PEAR1: variants seen among roughly 807,000 people sequenced by gnomAD.
PEAR1 encodes multiple EGF-like domains protein 12.
In PEAR1, 113 loss-of-function variants were observed where a neutral mutation model predicts 131.2. The ratio of observed to expected loss-of-function variants is 0.86; its 90% CI spans 0.74 to 1.01. The LOEUF is 1.01. Among genes scored for constraint, PEAR1 ranks in the 50% least tolerant of loss-of-function variants. PEAR1 has a pLI of 0.00. For missense variants in PEAR1, 1,408 were observed against 1,391.1 expected, an observed-to-expected ratio of 1.01 and a Z score of -0.19; for synonymous variants, 565 against 523.3, an observed-to-expected ratio of 1.08 and a Z score of -1.09.
Position 156,914,186 on chromosome 1 carries a change from A to AG in PEAR1, c.2962+88dup. On this transcript the variant is annotated intron_variant, in intron 22 of 22. Transcript: ENST00000292357. ...ACAGAAGGAACAGAGGGAGAAGAGAAGGCATGATGTGGCATCAAGAGTGAG... is the reference window on the plus strand; with the variant it reads ...ACAGAAGGAACAGAGGGAGAAGAGAAGGGCATGATGTGGCATCAAGAGTGAG... 4.8e-6 allele frequency: 7 copies of AG among 1,458,870 alleles called. No individual in the cohort carries two copies. In the South Asian group the frequency reaches 5.8e-5, roughly 12 times the overall value. The allele number at this position is 1,458,870 out of a possible 1,614,324, so 90.4% of individuals were successfully genotyped here.
In PEAR1 at chr1:156,908,100, C is replaced by T. The variant is rs1180636178; in HGVS notation, c.903-28C>T. 6.9e-6 allele frequency: 11 copies of T among 1,584,930 alleles called. No homozygotes were observed. Among genetic ancestry groups the T allele is most frequent in the Admixed American group, 1.8e-5 (1 of 56,870 alleles). On this transcript the variant is annotated intron_variant, in intron 8 of 22. Transcript: ENST00000292357. The surrounding 1 kb of genome is among the most constrained non-coding windows in gnomAD (Gnocchi z 4.2). Reference sequence around the variant, plus strand: ...AGACGGGAGGGAGGAGGTGGGGCGCCGCCAGGCTCACTCAGCTAGGTGCCC... The same window carrying T: ...AGACGGGAGGGAGGAGGTGGGGCGCTGCCAGGCTCACTCAGCTAGGTGCCC...
chr1:156,910,376 G>C lies in PEAR1; in HGVS notation c.1821G>C (p.Gln607His), dbSNP rs573482425. ...CCGGATTCCGGGGCCCCTCCTGCCA[G>C]AGATGTGAGGCTCCCTACTGCCCCT... ...CAPGFRGPSC[Q>H]RSCQPGRYGK... Residue 607 changes from glutamine (Q) to histidine (H), a missense_variant, in exon 14 of 23, where the codon CAG (glutamine) becomes CAC (histidine). Gln to His is a conservative substitution (Grantham distance 24). Coordinates refer to ENST00000292357, the MANE Select transcript of PEAR1 (RefSeq NM_001080471.3). 6.3e-7 allele frequency: 1 copy of C among 1,593,118 alleles called. No homozygotes were observed. The highest frequency in any genetic ancestry group is 1.3e-5 in the African/African-American group (1 of 74,756).
chr1:156,899,581 C>T (rs1322824830), intron 1 of PEAR1, among the ~76,000 whole-genome samples: 2 of 152,094 alleles, frequency 1.3e-5, no homozygotes, highest in African/African-American at 2.4e-5. Context: ...TACCCAAAGG[C>T]GCCAAGGGGA....
chr1:156,908,887 G>A lies in PEAR1; in HGVS notation c.1291-29G>A, dbSNP rs777052016. 4 of 1,610,206 alleles carry A rather than the reference G, an allele frequency of 2.5e-6. No individual in the cohort carries two copies. The African/African-American group carries it at 5.3e-5, about 21-fold the overall frequency. ...AGGTGGAGAGGCCAAGGAATGGGCC[G>A]CCCCTCTCACCCGCTCACCCTCTTT... On this transcript the variant is annotated intron_variant, in intron 10 of 22. Coordinates refer to ENST00000292357, the MANE Select transcript of PEAR1 (RefSeq NM_001080471.3). The surrounding 1 kb of genome is among the most constrained non-coding windows in gnomAD (Gnocchi z 4.2).
In PEAR1 at chr1:156,916,316, T is replaced by C. The variant is rs1385064956; in HGVS notation, c.*1518T>C. 1 of 152,238 alleles carries C rather than the reference T, an allele frequency of 6.6e-6. No individual in the cohort carries two copies. The highest frequency in any genetic ancestry group is 1.5e-5 in the Non-Finnish European group (1 of 68,050). 9.4% of individuals were successfully genotyped at this position (152,238 alleles called of 1,614,324 possible). On this transcript the variant is annotated 3_prime_UTR_variant, in exon 23 of 23. Transcript: ENST00000292357. Reference sequence around the variant, plus strand: ...GCTTGCAATATTTCAAGCATTTTCATTGTTATTATATGTGTTATAGTGATC... The same window carrying C: ...GCTTGCAATATTTCAAGCATTTTCACTGTTATTATATGTGTTATAGTGATC...
At chr1:156,906,530 A>T in intron 5 of PEAR1, 107 bp from the exon 6 acceptor site, 1 of 1,555,014 alleles carries the variant, frequency 6.4e-7, no homozygotes, top group Non-Finnish European at 8.7e-7. Context: ...TGTGGAAGAC[A>T]GGGTGGGCCT....
At chr1:156,906,429 G>A (rs6688349) in intron 5 of PEAR1, 61 bp downstream of exon 5, 223,972 of 1,590,098 alleles carry the variant, frequency 0.14, 20,153 homozygotes, top group East Asian at 0.43. Flanking sequence ...AGGACCCTCA[G>A]GTACACCCTC....
rs6684500 is a variant in PEAR1 at position 156,905,090 on chromosome 1, G to T, written c.207-234G>T. The T allele has an allele frequency of 2.4e-3, 3,116 of 1,283,108 alleles. 55 individuals are homozygous for T. The African/African-American group carries it at 0.036, about 15-fold the overall frequency. The allele number at this position is 1,283,108 out of a possible 1,614,324, so 79.5% of individuals were successfully genotyped here. ...GTATATGCCTGTGGGGTTGGGGGGG[G>T]GGCAAGAAGGGAATGCTCTTTCTTT... On this transcript the variant is annotated intron_variant, in intron 3 of 22. Transcript: ENST00000292357.
intron 7 of PEAR1, 26 bp downstream of exon 7, chr1:156,907,756 TG>T (rs769013054): frequency 3.8e-6 from 6 of 1,584,898 alleles, no homozygotes; most frequent in East Asian, 2.3e-5. Context: ...CCTGTGGGCA[TG>T]GGGTGTGGGT....
In PEAR1 at chr1:156,909,876, C is replaced by T; in HGVS notation, c.1537C>T (p.Pro513Ser). The T allele has an allele frequency of 1.9e-6, 3 of 1,611,022 alleles. No individual in the cohort carries two copies. Among genetic ancestry groups the T allele is most frequent in the Non-Finnish European group, 8.5e-7 (1 of 1,177,696 alleles). ...SPQTGACTCT[P>S]GWHGAHCQLP... ...CCAAACTGGAGCCTGTACCTGCACC[C>T]CTGGGTGGCATGGGGCCCACTGCCA... The change falls in exon 12 of 23, where the codon CCT (proline) becomes TCT (serine). Residue 513 changes from proline (P) to serine (S), a missense_variant. Physicochemically the swap from Pro to Ser is moderately conservative, Grantham distance 74 (BLOSUM62 -1). Transcript: ENST00000292357.
rs371283240 is a variant in PEAR1, at chr1:156,914,829, C to T, written c.*31C>T. 1.2e-5 allele frequency: 20 copies of T among 1,610,950 alleles called. No individual in the cohort carries two copies. Among genetic ancestry groups the T allele is most frequent in the African/African-American group, 2.7e-5 (2 of 74,904 alleles). ...CAGGATGGTATGGCAGAGGCCAGCA[C>T]ACCTGGCTGTTGCTGCTCAAGGCTG... is the stretch of plus-strand genomic sequence containing the variant. On this transcript the variant is annotated 3_prime_UTR_variant, in exon 23 of 23. Coordinates refer to ENST00000292357, the MANE Select transcript of PEAR1 (RefSeq NM_001080471.3).
chr1:156,895,776 G>C (rs918633711), intron 1 of PEAR1, among the ~76,000 whole-genome samples: 22 of 152,318 alleles, frequency 1.4e-4, no homozygotes, highest in Middle Eastern at 3.4e-3. Flanking sequence ...AAACTGTGAG[G>C]TTAGAAGGCA....
chr1:156,909,188 A>G (rs1275089909), intron 11 of PEAR1, 152 bp downstream of exon 11: 2 of 1,069,908 alleles, frequency 1.9e-6, no homozygotes, highest in East Asian at 2.4e-5. Context: ...TATCCAGGCT[A>G]CTTTCTTCCT....
intron 1 of PEAR1, among the ~76,000 whole-genome samples, chr1:156,900,198 G>C (rs1649544526): frequency 6.6e-6 from 1 of 152,168 alleles, no homozygotes; most frequent in Non-Finnish European, 1.5e-5. Context: ...CTCAGGGCCT[G>C]GCCAGGAGCC....
At chr1:156,911,599 T>A (rs1441290446) in intron 15 of PEAR1, among the ~76,000 whole-genome samples, 5 of 149,008 alleles carry the variant, frequency 3.4e-5, no homozygotes, top group Non-Finnish European at 1.5e-5. Context: ...CAGCCCTTTT[T>A]TTCTTTTGCA....
Position 156,913,501 on chromosome 1 carries a change from C to G in PEAR1, c.2622C>G (p.Pro874=). 3 of 1,612,874 alleles carry G rather than the reference C, an allele frequency of 1.9e-6. No individual in the cohort carries two copies. Among genetic ancestry groups the G allele is most frequent in the Non-Finnish European group, 2.5e-6 (3 of 1,180,004 alleles). The change falls in exon 20 of 23, where the codon CCC becomes CCG. Residue 874 remains proline (P), a synonymous_variant. Coordinates refer to ENST00000292357, the MANE Select transcript of PEAR1 (RefSeq NM_001080471.3). ...CTGACTGGAAGCACCGCCGGGAGCCCCCTCCAGGGCCTCTGGACAGGGGTA... is the reference window on the plus strand; with the variant it reads ...CTGACTGGAAGCACCGCCGGGAGCCGCCTCCAGGGCCTCTGGACAGGGGTA... ...LPADWKHRRE[P]PPGPLDRGSS... is the part of the protein sequence containing the mutation.
intron 15 of PEAR1, among the ~76,000 whole-genome samples, chr1:156,911,146 TTC>T (rs1463770365): frequency 1.0e-4 from 15 of 149,772 alleles, no homozygotes; most frequent in South Asian, 4.2e-4. Flanking sequence ...TTTCTTTTCT[TTC>T]TTTCTTTTTC....
chr1:156,911,203 T>TTTTCTTTCTTTCTTTCTTTC lies in PEAR1; in HGVS notation c.1951+460_1951+461insTTTCTTTCTTTCTTTCTTTC. ...TTCTTTCTTCTTTCTTTCTTTCTTT[T>TTTTCTTTCTTTCTTTCTTTC]CTTTCTTTCTTTCTTTCCTTTCTTT... is the stretch of plus-strand genomic sequence containing the variant. On this transcript the variant is annotated intron_variant, in intron 15 of 22. Coordinates refer to ENST00000292357, the MANE Select transcript of PEAR1 (RefSeq NM_001080471.3). Among the ~76,000 whole-genome samples, 4 of 109,488 alleles carry TTTTCTTTCTTTCTTTCTTTC rather than the reference T, an allele frequency of 3.7e-5. 1 individual carries two copies. Among genetic ancestry groups the TTTTCTTTCTTTCTTTCTTTC allele is most frequent in the Admixed American group, 1.9e-4 (2 of 10,628 alleles). The allele number at this position is 109,488 out of a possible 152,430, so 71.8% of individuals were successfully genotyped here.
chr1:156,908,806 T>C lies in PEAR1; in HGVS notation c.1267T>C (p.Cys423Arg), dbSNP rs1650686968. The C allele has an allele frequency of 1.2e-6, 2 of 1,607,106 alleles. No individual in the cohort carries two copies. Among genetic ancestry groups the C allele is most frequent in the African/African-American group, 2.7e-5 (2 of 74,922 alleles). ...CGTCTGCCAGGCTACCAGCGGCCTC[T>C]GTCAGTGCGCGCCGGGTTACACGGT... The part of the protein sequence containing the change: ...GGVCQATSGL[C>R]QCAPGYTGPH... The change falls in exon 10 of 23, where the codon TGT (cysteine) becomes CGT (arginine). Residue 423 changes from cysteine (C) to arginine (R), a missense_variant. Coordinates refer to ENST00000292357, the MANE Select transcript of PEAR1 (RefSeq NM_001080471.3). The surrounding 1 kb of genome is among the most constrained non-coding windows in gnomAD (Gnocchi z 4.2).
Sources: gnomAD v4.1 joint callset for allele counts (sites outside exome capture counted in the v4.1 genomes callset) on GRCh38, gnomAD v4.1.1 for gene constraint, Gnocchi (gnomAD v3.1) non-coding constraint, MANE v1.5 for transcripts, NCBI Gene and HGNC (gene_info 2026-07-23, HGNC 2026-07-21) for gene names.